Variants in SMARCA4 observed in about 807,000 individuals in gnomAD.
The protein encoded by SMARCA4 is SWI/SNF related BAF chromatin remodeling complex subunit ATPase 4.
Under a neutral mutation model 193.9 loss-of-function variants are expected in SMARCA4, and 31 were observed. That is an observed-to-expected ratio of 0.16 (90% CI 0.12 to 0.22). The LOEUF (loss-of-function observed/expected upper bound fraction) is 0.22. Among genes scored for constraint, SMARCA4 ranks in the 10% least tolerant of loss-of-function variants. The probability of loss-of-function intolerance (pLI) is 1.00; values close to 1 mark genes in which losing one functional copy is unlikely to be tolerated. For synonymous variants in SMARCA4, 942 were observed against 933.1 expected (o/e 1.01, Z -0.17); for missense variants, 1,148 against 2,296.0 (o/e 0.50, Z 10.22).
chr19:10,999,051 C>A (rs548834551), intron 11 of SMARCA4, among the ~76,000 whole-genome samples: 36 of 152,134 alleles, frequency 2.4e-4, no homozygotes, highest in Non-Finnish European at 4.3e-4. Context: ...TACAGGCGCA[C>A]GCCACCATGC....
In SMARCA4 at chr19:11,027,924, G is replaced by A. The variant is rs370466670; in HGVS notation, c.3356G>A (p.Arg1119His). The A allele has an allele frequency of 6.2e-7, 1 of 1,614,016 alleles. No individual in the cohort carries two copies. Among genetic ancestry groups the A allele is most frequent in the African/African-American group, 1.3e-5 (1 of 74,926 alleles). Residue 1119 changes from arginine to histidine, a missense_variant, in exon 24 of 35, where the codon CGC (arginine) becomes CAC (histidine). Arg to His is a conservative substitution (Grantham distance 29). Transcript: ENST00000344626. ...MTIMEDYFAY[R>H]GFKYLRLDGT... ...ATCATGGAAGATTACTTTGCGTATC[G>A]CGGCTTTAAATACCTCAGGCTTGAT...
intron 30 of SMARCA4, among the ~76,000 whole-genome samples, chr19:11,056,904 CG>C (rs2076577611): frequency 6.6e-6 from 1 of 152,208 alleles, no homozygotes; most frequent in South Asian, 2.1e-4. Context: ...CATTTTCCAG[CG>C]TGGTAAACAG....
chr19:10,969,487 A>G (rs1016282334), intron 1 of SMARCA4, among the ~76,000 whole-genome samples: 22 of 151,522 alleles, frequency 1.5e-4, no homozygotes, highest in South Asian at 6.3e-4. Flanking sequence ...CTGGAGTGCA[A>G]TGGCGGGGTC....
chr19:10,962,411 C>G (rs1029888426), intron 1 of SMARCA4, among the ~76,000 whole-genome samples: 3 of 152,210 alleles, frequency 2.0e-5, no homozygotes, highest in African/African-American at 7.2e-5. Context: ...GGAACAAACT[C>G]TCTTGGCCTA....
chr19:10,981,372 CAT>C (rs796222700), intron 1 of SMARCA4, among the ~76,000 whole-genome samples: 1 of 152,246 alleles, frequency 6.6e-6, no homozygotes. Context: ...ATCTTAGTAA[CAT>C]AAACGCAAGG....
intron 23 of SMARCA4, among the ~76,000 whole-genome samples, chr19:11,026,806 A>C (rs1242863575): frequency 6.6e-6 from 1 of 152,142 alleles, no homozygotes; most frequent in African/African-American, 2.4e-5. Flanking sequence ...GCCCCATTAT[A>C]CAAATCTTTA....
intron 16 of SMARCA4, among the ~76,000 whole-genome samples, chr19:11,014,816 TA>T (rs1161965471): frequency 2.2e-4 from 34 of 152,096 alleles, no homozygotes; most frequent in African/African-American, 6.3e-4. Context: ...CATTTATTTT[TA>T]TTTTTTTTTA....
In SMARCA4 at chr19:11,008,042, GGTT is replaced by G; in HGVS notation, c.2123+23_2123+25del. Reference sequence around the variant, plus strand: ...TCATTGAGTAAGGGGTCCCGACACAGGTTGTTCTGTGCCAGCTTCCTGTGAGGT... The same window carrying G: ...TCATTGAGTAAGGGGTCCCGACACAGGTTCTGTGCCAGCTTCCTGTGAGGT... On this transcript the variant is annotated intron_variant, in intron 14 of 34. Transcript: ENST00000344626. 1 of 1,610,404 alleles carries G rather than the reference GGTT, an allele frequency of 6.2e-7. No homozygotes were observed. The highest frequency in any genetic ancestry group is 8.5e-7 in the Non-Finnish European group (1 of 1,178,074).
intron 22 of SMARCA4, among the ~76,000 whole-genome samples, chr19:11,026,018 C>G (rs376170869): frequency 4.5e-4 from 68 of 152,338 alleles, no homozygotes; most frequent in African/African-American, 1.6e-3. Flanking sequence ...TCTCAGCACC[C>G]TGAGCGTGGC....
At chr19:11,051,460 C>T (rs1356872370) in intron 30 of SMARCA4, among the ~76,000 whole-genome samples, 3 of 150,894 alleles carry the variant, frequency 2.0e-5, no homozygotes, top group Non-Finnish European at 4.4e-5. Context: ...GTGCCGCAGT[C>T]GTCCGAGGGA....
chr19:10,983,109 T>C (rs907907594), intron 1 of SMARCA4, among the ~76,000 whole-genome samples: 1 of 151,854 alleles, frequency 6.6e-6, no homozygotes. Context: ...TTTCACTGAG[T>C]GTGGGTGCGT....
At chr19:11,026,751 G>A (rs1342700752) in intron 23 of SMARCA4, among the ~76,000 whole-genome samples, 5 of 152,028 alleles carry the variant, frequency 3.3e-5, no homozygotes, top group Admixed American at 3.3e-4. Context: ...CACCCGCCTT[G>A]GCCTCCCAAA....
intron 30 of SMARCA4, among the ~76,000 whole-genome samples, chr19:11,057,410 T>C (rs1465563696): frequency 6.6e-6 from 1 of 152,106 alleles, no homozygotes; most frequent in African/African-American, 2.4e-5. Flanking sequence ...GTTAGATCAG[T>C]CCCCAGTGAG....
At chr19:11,012,726 GCA>G (rs2088969840) in intron 15 of SMARCA4, 1 of 595,510 alleles carries the variant, frequency 1.7e-6, no homozygotes, top group Non-Finnish European at 3.1e-6. Flanking sequence ...TCCATCGTTC[GCA>G]CAGTCATCCT....
In SMARCA4 at chr19:11,019,186, G is replaced by A. The variant is rs1221608514; in HGVS notation, c.2505+163G>A. ...GAACTCCAGTCACATGGATCCGGGAGTTTGGACTGGGCAGGGACAGGGCAG... is the reference window on the plus strand; with the variant it reads ...GAACTCCAGTCACATGGATCCGGGAATTTGGACTGGGCAGGGACAGGGCAG... On this transcript the variant is annotated intron_variant, in intron 17 of 34. Coordinates refer to ENST00000344626, the MANE Select transcript of SMARCA4 (RefSeq NM_003072.5). The surrounding 1 kb of genome is among the most constrained non-coding windows in gnomAD (Gnocchi z 6.1). 1.4e-6 allele frequency: 1 copy of A among 706,642 alleles called. No individual in the cohort carries two copies. Among genetic ancestry groups the A allele is most frequent in the Non-Finnish European group, 2.6e-6 (1 of 388,088 alleles). 43.8% of individuals were successfully genotyped at this position (706,642 alleles called of 1,614,324 possible).
intron 1 of SMARCA4, among the ~76,000 whole-genome samples, chr19:10,963,021 A>G (rs758173263): frequency 2.0e-5 from 3 of 152,028 alleles, no homozygotes; most frequent in Non-Finnish European, 4.4e-5. Context: ...TCTTTAGCGA[A>G]CTTATGTGGA....
intron 16 of SMARCA4, among the ~76,000 whole-genome samples, chr19:11,014,261 A>G (rs2089148748): frequency 6.6e-6 from 1 of 152,032 alleles, no homozygotes; most frequent in East Asian, 1.9e-4. Flanking sequence ...TTCTGCCTAT[A>G]AGACAGCCAG....
intron 23 of SMARCA4, 188 bp from the exon 24 acceptor site, chr19:11,027,596 G>T: frequency 1.4e-6 from 1 of 698,534 alleles, no homozygotes; most frequent in Non-Finnish European, 2.6e-6. Flanking sequence ...GGGTGGCCGG[G>T]CTTATTTCAG....
chr19:11,037,479 A>G (rs1420150586), intron 29 of SMARCA4, among the ~76,000 whole-genome samples: 1 of 152,210 alleles, frequency 6.6e-6, no homozygotes, highest in African/African-American at 2.4e-5. Context: ...GTCTAGTCAC[A>G]TCATCCTTTA....
Sources: gnomAD v4.1 joint callset for allele counts (sites outside exome capture counted in the v4.1 genomes callset) on GRCh38, gnomAD v4.1.1 for gene constraint, Gnocchi (gnomAD v3.1) non-coding constraint, MANE v1.5 for transcripts, NCBI Gene and HGNC (gene_info 2026-07-23, HGNC 2026-07-21) for gene names.